FLOT1: variants seen among roughly 807,000 people sequenced by gnomAD.
The protein encoded by FLOT1 is flotillin-1.
In FLOT1, 40 loss-of-function variants were observed where a neutral mutation model predicts 58.4. The ratio of observed to expected loss-of-function variants is 0.69; its 90% CI spans 0.53 to 0.89. The LOEUF is 0.89. Among genes scored for constraint, FLOT1 ranks in the 40% least tolerant of loss-of-function variants. The pLI is 0.00. For synonymous variants in FLOT1, 178 were observed against 204.2 expected, an observed-to-expected ratio of 0.87 and a Z score of 1.09; for missense variants, 423 against 540.8, an observed-to-expected ratio of 0.78 and a Z score of 2.16.
At position 30,742,318 on chromosome 6, in the gene FLOT1, C is replaced by G. The variant is rs939515707; in HGVS notation, c.-14-115G>C. ...CTCCCAGTCTGCATCCGCCACGGCC[C>G]GTCCCTTCTACACCCATGGGTCCGC... On this transcript the variant is annotated intron_variant, in intron 1 of 12. Transcript: ENST00000376389. This position sits in a 1 kb window ranked among gnomAD's most constrained non-coding sequence, Gnocchi z 5.2. 4.6e-6 allele frequency: 4 copies of G among 862,104 alleles called. No individual in the cohort carries two copies. The highest frequency in any genetic ancestry group is 7.8e-6 in the Non-Finnish European group (4 of 510,352). 53.4% of individuals were successfully genotyped at this position (862,104 alleles called of 1,614,324 possible). A position where few individuals can be genotyped will look rare whatever the true frequency, so the allele number is the denominator to read the frequency against.
rs1554208448 is a variant in FLOT1 at position 30,737,208 on chromosome 6, T to TCTGTCGTC, written c.723+2949_723+2950insGACGACAG. On this transcript the variant is annotated intron_variant, in intron 8 of 12. Coordinates refer to ENST00000376389, the MANE Select transcript of FLOT1 (RefSeq NM_005803.4). This position sits in a 1 kb window ranked among gnomAD's most constrained non-coding sequence, Gnocchi z 4.4. ...GACTGACTGACTGACTGACTGTCTG[T>TCTGTCGTC]CGTCCGTCCGTCCGTCCGTCCGTCC... Among the ~76,000 whole-genome samples the TCTGTCGTC allele has an allele frequency of 9.0e-4, 124 of 138,124 alleles. No homozygotes were observed. The highest frequency in any genetic ancestry group is 3.0e-3 in the African/African-American group (109 of 35,746). The allele number at this position is 138,124 out of a possible 152,430, so 90.6% of individuals were successfully genotyped here.
rs1554208590 is a variant in FLOT1 at position 30,737,242 on chromosome 6, G to GTCCGTCCGTCCGTCCGTCCGTCCGTCCA, written c.723+2915_723+2916insTGGACGGACGGACGGACGGACGGACGGA. On this transcript the variant is annotated intron_variant, in intron 8 of 12. Coordinates refer to ENST00000376389, the MANE Select transcript of FLOT1 (RefSeq NM_005803.4). The surrounding 1 kb of genome is among the most constrained non-coding windows in gnomAD (Gnocchi z 4.4). Reference sequence around the variant, plus strand: ...CGTCCGTCCGTCCGTCCGTCCGTCCGTCCGTCCATCCGTCCATCCATCCAT... The same window carrying GTCCGTCCGTCCGTCCGTCCGTCCGTCCA: ...CGTCCGTCCGTCCGTCCGTCCGTCCGTCCGTCCGTCCGTCCGTCCGTCCGTCCATCCGTCCATCCGTCCATCCATCCAT... Among the ~76,000 whole-genome samples the GTCCGTCCGTCCGTCCGTCCGTCCGTCCA allele has an allele frequency of 1.4e-5, 2 of 145,742 alleles. No individual in the cohort carries two copies. The highest frequency in any genetic ancestry group is 1.4e-4 in the Admixed American group (2 of 14,550).
At position 30,741,366 on chromosome 6, in the gene FLOT1, T is replaced by C. The variant is rs1474718090; in HGVS notation, c.211-33A>G. 1.7e-5 allele frequency: 28 copies of C among 1,612,274 alleles called. No individual in the cohort carries two copies. The highest frequency in any genetic ancestry group is 2.7e-5 in the African/African-American group (2 of 74,860). On this transcript the variant is annotated intron_variant, in intron 4 of 12. Transcript: ENST00000376389. The surrounding 1 kb of genome is among the most constrained non-coding windows in gnomAD (Gnocchi z 5.9). ...CAGAGTAGGGGTAGGAAAGGTGTGG[T>C]GGGGGTCTCATGAAGTCAGAGAAAA...
rs1214356628 is a variant in FLOT1, at chr6:30,737,246, G to GTCCA, written c.723+2908_723+2911dup. 2.2e-4 allele frequency among the ~76,000 whole-genome samples: 32 copies of GTCCA among 145,396 alleles called. No homozygotes were observed. The highest frequency in any genetic ancestry group is 6.7e-4 in the African/African-American group (26 of 38,994). ...CGTCCGTCCGTCCGTCCGTCCGTCC[G>GTCCA]TCCATCCGTCCATCCATCCATCCAT... On this transcript the variant is annotated intron_variant, in intron 8 of 12. Transcript: ENST00000376389. The surrounding 1 kb of genome is among the most constrained non-coding windows in gnomAD (Gnocchi z 4.4).
At position 30,737,018 on chromosome 6, in the gene FLOT1, T is replaced by C. The variant is rs975053896; in HGVS notation, c.723+3140A>G. On this transcript the variant is annotated intron_variant, in intron 8 of 12. Transcript: ENST00000376389. The surrounding 1 kb of genome is among the most constrained non-coding windows in gnomAD (Gnocchi z 4.4). ...GCTTTCCACTGTGCTTTCAGTTCTC[T>C]TCTGTGTCTCCATCGTGACCACACA... is the stretch of plus-strand genomic sequence containing the variant. Among the ~76,000 whole-genome samples, 2 of 152,090 alleles carry C rather than the reference T, an allele frequency of 1.3e-5. No individual in the cohort carries two copies. Among genetic ancestry groups the C allele is most frequent in the Admixed American group, 1.3e-4 (2 of 15,248 alleles).
At chr6:30,740,928 C>T (rs79585365) in intron 5 of FLOT1, 130 bp from the exon 6 acceptor site, 11 of 1,327,110 alleles carry the variant, frequency 8.3e-6, no homozygotes, top group South Asian at 1.5e-5. Context: ...CTGGGATTAC[C>T]GACACCCATC....
chr6:30,731,032 C>T lies in FLOT1; in HGVS notation c.792G>A (p.Gln264=). ...VQVQVVERAQ[Q]VAVQEQEIAR... The stretch of plus-strand genomic sequence containing the variant: ...CGATCTCCTGCTCCTGCACTGCCAC[C>T]TGCTGGGCCCGCTCCACCACCTGCA... Residue 264 remains glutamine (Q), a synonymous_variant, in exon 9 of 13, where the codon CAG becomes CAA. Coordinates refer to ENST00000376389, the MANE Select transcript of FLOT1 (RefSeq NM_005803.4). The T allele has an allele frequency of 6.2e-7, 1 of 1,612,536 alleles. No homozygotes were observed. Among genetic ancestry groups the T allele is most frequent in the Non-Finnish European group, 8.5e-7 (1 of 1,179,998 alleles).
In FLOT1 at chr6:30,730,740, G is replaced by A. The variant is rs749285010; in HGVS notation, c.906-13C>T. ...AATTAGTTGGGACCTGTGGACAGAA[G>A]GGAAGTGGAGGGTGGAGCCCAGCAG... is the stretch of plus-strand genomic sequence containing the variant. On this transcript the variant is annotated splice_polypyrimidine_tract_variant and intron_variant, in intron 9 of 12. Transcript: ENST00000376389. 4.3e-6 allele frequency: 7 copies of A among 1,613,042 alleles called. No individual in the cohort carries two copies. Among genetic ancestry groups the A allele is most frequent in the Middle Eastern group, 1.7e-4 (1 of 5,970 alleles).
In FLOT1 at chr6:30,742,030, G is replaced by A; in HGVS notation, c.43+117C>T. ...TGGGAATCAAACTGGGCAGTTCGTG[G>A]CCATCAAGGGGCAGAAGTCTGGTGC... On this transcript the variant is annotated intron_variant, in intron 2 of 12. Coordinates refer to ENST00000376389, the MANE Select transcript of FLOT1 (RefSeq NM_005803.4). This position sits in a 1 kb window ranked among gnomAD's most constrained non-coding sequence, Gnocchi z 5.2. 1.6e-6 allele frequency: 2 copies of A among 1,231,744 alleles called. No homozygotes were observed. Among genetic ancestry groups the A allele is most frequent in the Non-Finnish European group, 2.4e-6 (2 of 846,908 alleles). 76.3% of individuals were successfully genotyped at this position (1,231,744 alleles called of 1,614,324 possible). A position where few individuals can be genotyped will look rare whatever the true frequency, so the allele number is the denominator to read the frequency against.
chr6:30,740,194 G>A lies in FLOT1; in HGVS notation c.687C>T (p.Thr229=). 1 of 1,613,010 alleles carries A rather than the reference G, an allele frequency of 6.2e-7. No individual in the cohort carries two copies. Among genetic ancestry groups the A allele is most frequent in the Non-Finnish European group, 8.5e-7 (1 of 1,180,026 alleles). The change falls in exon 8 of 13, where the codon ACC becomes ACT. Residue 229 remains threonine, a synonymous_variant. Coordinates refer to ENST00000376389, the MANE Select transcript of FLOT1 (RefSeq NM_005803.4). ...KKAAYDIEVN[T]RRAQADLAYQ... ...AGGCCAGGTCAGCCTGTGCTCGGCGGGTGTTGACCTCGATGTCATAGGCGG... is the reference window on the plus strand; with the variant it reads ...AGGCCAGGTCAGCCTGTGCTCGGCGAGTGTTGACCTCGATGTCATAGGCGG...
Position 30,730,472 on chromosome 6 carries a change from G to C in FLOT1, c.1045C>G (p.Gln349Glu). 2 of 1,604,270 alleles carry C rather than the reference G, an allele frequency of 1.2e-6. No homozygotes were observed. Among genetic ancestry groups the C allele is most frequent in the East Asian group, 4.5e-5 (2 of 44,666 alleles). Residue 349 changes from glutamine (Q) to glutamate (E), a missense_variant, in exon 11 of 13, where the codon CAA becomes GAA. By Grantham distance (29) the Gln-to-Glu change is conservative. Transcript: ENST00000376389. The part of the protein sequence containing the change: ...AKKAEAFQLY[Q>E]EAAQLDMLLE... ...AGCATGTCCAGCTGAGCAGCCTCTT[G>C]GTACAGCTGGAAGGCTTCTGCCTTC...
In FLOT1 at chr6:30,741,980, G is replaced by A; in HGVS notation, c.44-113C>T. ...CAGGAGAGAATCTGGGAGCTGGAGGGGAAGCAGTCTGGGCCTTGGAATGGT... is the reference window on the plus strand; with the variant it reads ...CAGGAGAGAATCTGGGAGCTGGAGGAGAAGCAGTCTGGGCCTTGGAATGGT... On this transcript the variant is annotated intron_variant, in intron 2 of 12. Transcript: ENST00000376389. This position sits in a 1 kb window ranked among gnomAD's most constrained non-coding sequence, Gnocchi z 5.9. 1 of 1,205,750 alleles carries A rather than the reference G, an allele frequency of 8.3e-7. No individual in the cohort carries two copies. The highest frequency in any genetic ancestry group is 1.3e-5 in the South Asian group (1 of 79,224). 74.7% of individuals were successfully genotyped at this position (1,205,750 alleles called of 1,614,324 possible).
chr6:30,740,639 G>C, intron 6 of FLOT1, 40 bp downstream of exon 6: 1 of 1,612,982 alleles, frequency 6.2e-7, no homozygotes. Flanking sequence ...TTAAGAGATG[G>C]GAGCAAGGAA....
intron 8 of FLOT1, among the ~76,000 whole-genome samples, chr6:30,734,586 C>T (rs942544962): frequency 6.6e-6 from 1 of 152,156 alleles, no homozygotes; most frequent in Non-Finnish European, 1.5e-5. Context: ...GGATTACAGG[C>T]ATGAGCCAAC....
intron 5 of FLOT1, 36 bp from the exon 6 acceptor site, chr6:30,740,834 G>GTTTTTT (rs34375360): frequency 1.1e-4 from 147 of 1,314,076 alleles, no homozygotes; most frequent in East Asian, 5.9e-4. Flanking sequence ...AGGGATGTAA[G>GTTTTTT]TTTTTTTTTT....
Position 30,742,472 on chromosome 6 carries a change from C to T in FLOT1, c.-15+55G>A, listed in dbSNP as rs1221776181. Reference sequence around the variant, plus strand: ...GCGCCCAGAGGCCTGCAGACCTTTCCCCTCTCTCCCTGCTTCTCGGCAGCC... The same window carrying T: ...GCGCCCAGAGGCCTGCAGACCTTTCTCCTCTCTCCCTGCTTCTCGGCAGCC... On this transcript the variant is annotated intron_variant, in intron 1 of 12. Coordinates refer to ENST00000376389, the MANE Select transcript of FLOT1 (RefSeq NM_005803.4). This position sits in a 1 kb window ranked among gnomAD's most constrained non-coding sequence, Gnocchi z 5.2. The T allele has an allele frequency of 3.9e-6, 2 of 516,238 alleles. No homozygotes were observed. The highest frequency in any genetic ancestry group is 6.9e-6 in the Non-Finnish European group (2 of 289,992). 32.0% of individuals were successfully genotyped at this position (516,238 alleles called of 1,614,324 possible).
At position 30,730,203 on chromosome 6, in the gene FLOT1, A is replaced by G. The variant is rs760214363; in HGVS notation, c.1090-17T>C. The G allele has an allele frequency of 6.2e-7, 1 of 1,612,592 alleles. No individual in the cohort carries two copies. The highest frequency in any genetic ancestry group is 1.1e-5 in the South Asian group (1 of 91,068). ...CTCTGCCACCTGGCAGGAGAGAGAC[A>G]CCCACTCAGTGCCCATGATCTGACC... is the stretch of plus-strand genomic sequence containing the variant. On this transcript the variant is annotated splice_polypyrimidine_tract_variant and intron_variant, in intron 11 of 12. Transcript: ENST00000376389.
intron 8 of FLOT1, among the ~76,000 whole-genome samples, chr6:30,739,892 G>A (rs941337982): frequency 6.6e-6 from 1 of 152,002 alleles, no homozygotes; most frequent in African/African-American, 2.4e-5. Flanking sequence ...GAACTCCTGA[G>A]GTCAAGCAAT....
At chr6:30,734,072 A>G (rs917978475) in intron 8 of FLOT1, among the ~76,000 whole-genome samples, 5 of 145,076 alleles carry the variant, frequency 3.4e-5, no homozygotes, top group Non-Finnish European at 4.5e-5. Flanking sequence ...AAAAAAAAAA[A>G]GGAATCTGAA....
Sources: gnomAD v4.1 joint callset for allele counts (sites outside exome capture counted in the v4.1 genomes callset) on GRCh38, gnomAD v4.1.1 for gene constraint, Gnocchi (gnomAD v3.1) non-coding constraint, MANE v1.5 for transcripts, NCBI Gene and HGNC (gene_info 2026-07-23, HGNC 2026-07-21) for gene names.